Variants in UBN1 observed in about 807,000 individuals in gnomAD.
UBN1 encodes the protein ubinuclein-1.
In UBN1, 17 loss-of-function variants were observed where a neutral mutation model predicts 108.5. The observed-to-expected ratio is 0.16, with a 90% confidence interval of 0.11 to 0.24. UBN1 has a LOEUF of 0.24. Among genes scored for constraint, UBN1 ranks in the 10% least tolerant of loss-of-function variants. UBN1 has a pLI of 1.00. For synonymous variants in UBN1, 726 were observed against 564.2 expected (o/e 1.29, Z -4.07); for missense variants, 1,595 against 1,394.4 (o/e 1.14, Z -2.29).
intron 17 of UBN1, among the ~76,000 whole-genome samples, chr16:4,879,549 C>G (rs1310381012): frequency 6.6e-6 from 1 of 152,236 alleles, no homozygotes; most frequent in Non-Finnish European, 1.5e-5. Context: ...GAGCTTCTCT[C>G]ACTTCCTTAG....
rs148857688 is a variant in UBN1, at chr16:4,873,173, T to G, written c.1800+100T>G. 1.3e-5 allele frequency: 20 copies of G among 1,525,362 alleles called. No homozygotes were observed. The African/African-American group carries it at 1.8e-4, about 14-fold the overall frequency. 94.5% of individuals were successfully genotyped at this position (1,525,362 alleles called of 1,614,324 possible). Reference sequence around the variant, plus strand: ...ACTGTGGAAGCTCATTGATCTTTGCTCGTCTGGGGACAGCTGCTCAGGATG... The same window carrying G: ...ACTGTGGAAGCTCATTGATCTTTGCGCGTCTGGGGACAGCTGCTCAGGATG... On this transcript the variant is annotated intron_variant, in intron 14 of 17. Coordinates refer to ENST00000262376, the MANE Select transcript of UBN1 (RefSeq NM_001079514.3).
intron 14 of UBN1, among the ~76,000 whole-genome samples, chr16:4,873,450 C>G (rs962138267): frequency 6.6e-6 from 1 of 152,200 alleles, no homozygotes; most frequent in African/African-American, 2.4e-5. Context: ...GAAAAGGCGA[C>G]TTTACTGAGC....
chr16:4,847,566 C>T lies in UBN1; in HGVS notation c.-684C>T, dbSNP rs955484082. On this transcript the variant is annotated 5_prime_UTR_variant, in exon 1 of 18. Coordinates refer to ENST00000262376, the MANE Select transcript of UBN1 (RefSeq NM_001079514.3). ...GGCGGCGACGGTGCGACCGGCTGAG[C>T]GCGAGAGGGAGCCGGCCTCGCGGCT... The T allele has an allele frequency of 2.2e-5, 9 of 410,332 alleles. No individual in the cohort carries two copies. The Admixed American group carries it at 2.5e-4, about 11-fold the overall frequency. The allele number at this position is 410,332 out of a possible 1,614,324, so 25.4% of individuals were successfully genotyped here. A position where few individuals can be genotyped will look rare whatever the true frequency, so the allele number is the denominator to read the frequency against.
rs769211911 is a variant in UBN1 at position 4,858,563 on chromosome 16, T to C, written c.337-5T>C. On this transcript the variant is annotated splice_region_variant and splice_polypyrimidine_tract_variant and intron_variant, in intron 3 of 17. Transcript: ENST00000262376. Reference sequence around the variant, plus strand: ...AGCATGTAATCTATTGCTTTCACATTTTAGGGTGGAAAGAAACGTAGAAAA... The same window carrying C: ...AGCATGTAATCTATTGCTTTCACATCTTAGGGTGGAAAGAAACGTAGAAAA... 3.7e-6 allele frequency: 6 copies of C among 1,613,754 alleles called. No homozygotes were observed. Among genetic ancestry groups the C allele is most frequent in the Admixed American group, 1.7e-5 (1 of 60,026 alleles).
Position 4,870,252 on chromosome 16 carries a change from T to C in UBN1, c.1222T>C (p.Ser408Pro). 6.2e-7 allele frequency: 1 copy of C among 1,614,232 alleles called. No homozygotes were observed. The highest frequency in any genetic ancestry group is 8.5e-7 in the Non-Finnish European group (1 of 1,180,038). The change falls in exon 9 of 18, where the codon TCT (serine) becomes CCT (proline). Residue 408 changes from serine to proline, a missense_variant. Physicochemically the swap from Ser to Pro is moderately conservative, Grantham distance 74. This residue lies in a region of UBN1 where 1,398 missense variants were observed against 1,194.7 expected (regional missense o/e 1.17). Coordinates refer to ENST00000262376, the MANE Select transcript of UBN1 (RefSeq NM_001079514.3). ...TCGGGAGCTGAGCAGTCAGGTCCGCTCTGGGGTGTATGCCTATCTTGCGTC... is the reference window on the plus strand; with the variant it reads ...TCGGGAGCTGAGCAGTCAGGTCCGCCCTGGGGTGTATGCCTATCTTGCGTC... ...QTRELSSQVR[S>P]GVYAYLASFL...
chr16:4,852,744 A>C, intron 1 of UBN1, 135 bp from the exon 2 acceptor site: 1 of 1,007,430 alleles, frequency 9.9e-7, no homozygotes, highest in Admixed American at 3.2e-5. Flanking sequence ...AAGCAGAAAA[A>C]AACAATAAAT....
rs1447127601 is a variant in UBN1, at chr16:4,868,864, A to G, written c.1142A>G (p.Gln381Arg). The change falls in exon 8 of 18, where the codon CAG (glutamine) becomes CGG (arginine). Residue 381 changes from glutamine (Q) to arginine (R), a missense_variant. Physicochemically the swap from Gln to Arg is conservative, Grantham distance 43. Transcript: ENST00000262376. ...AARAAEGESR[Q>R]KFFTQDINGI... ...AGAGCTGCTGAGGGGGAGAGCAGAC[A>G]GAAGTTCTTCACCCAGGATATTAAT... 1 of 1,613,994 alleles carries G rather than the reference A, an allele frequency of 6.2e-7. No homozygotes were observed. Among genetic ancestry groups the G allele is most frequent in the Non-Finnish European group, 8.5e-7 (1 of 1,179,890 alleles).
chr16:4,862,756 A>G (rs1326395981), intron 7 of UBN1, among the ~76,000 whole-genome samples: 1 of 152,252 alleles, frequency 6.6e-6, no homozygotes, highest in Non-Finnish European at 1.5e-5. Flanking sequence ...GGACAGATTT[A>G]GTGGCAACAG....
At chr16:4,856,549 T>A (rs757291456) in intron 2 of UBN1, among the ~76,000 whole-genome samples, 3 of 152,216 alleles carry the variant, frequency 2.0e-5, no homozygotes, top group African/African-American at 7.2e-5. Context: ...AATTACAATA[T>A]GGTCATTGTT....
chr16:4,865,390 A>C (rs1297756806), intron 7 of UBN1, among the ~76,000 whole-genome samples: 2 of 152,192 alleles, frequency 1.3e-5, no homozygotes, highest in African/African-American at 4.8e-5. Flanking sequence ...CTATCTAAAC[A>C]GAAAATTTGG....
intron 12 of UBN1, chr16:4,872,364 C>T: frequency 3.0e-6 from 3 of 984,612 alleles, no homozygotes; most frequent in Non-Finnish European, 3.6e-6. Context: ...TGGTAAAGGC[C>T]AGACTCAGCC....
intron 7 of UBN1, among the ~76,000 whole-genome samples, chr16:4,865,753 A>G (rs905938860): frequency 2.0e-5 from 3 of 152,010 alleles, no homozygotes; most frequent in African/African-American, 7.2e-5. Flanking sequence ...TTGGGGTCAG[A>G]TGTTTGAGAC....
At chr16:4,853,285 C>T (rs187434764) in intron 2 of UBN1, 119 bp downstream of exon 2, 1 of 1,360,006 alleles carries the variant, frequency 7.4e-7, no homozygotes, top group Non-Finnish European at 9.9e-7. Context: ...CCCCAAGATC[C>T]TGTCACTCAC....
In UBN1 at chr16:4,877,476, TAATC is replaced by T; in HGVS notation, c.3355+4_3355+7del. ...CCCATATCCCGCAGAGTCTGCCAGGTAATCACCCGACGGTCAGTGTGCCACGCGC... is the reference window on the plus strand; with the variant it reads ...CCCATATCCCGCAGAGTCTGCCAGGTACCCGACGGTCAGTGTGCCACGCGC... On this transcript the variant is annotated splice_donor_5th_base_variant and intron_variant, in intron 17 of 17. Coordinates refer to ENST00000262376, the MANE Select transcript of UBN1 (RefSeq NM_001079514.3). This position sits in a 1 kb window ranked among gnomAD's most constrained non-coding sequence, Gnocchi z 4.3. 6.2e-7 allele frequency: 1 copy of T among 1,608,928 alleles called. No individual in the cohort carries two copies. The highest frequency in any genetic ancestry group is 8.5e-7 in the Non-Finnish European group (1 of 1,178,678).
Position 4,877,489 on chromosome 16 carries a change from G to A in UBN1, c.3355+15G>A. On this transcript the variant is annotated intron_variant, in intron 17 of 17. Coordinates refer to ENST00000262376, the MANE Select transcript of UBN1 (RefSeq NM_001079514.3). This position sits in a 1 kb window ranked among gnomAD's most constrained non-coding sequence, Gnocchi z 4.3. ...GAGTCTGCCAGGTAATCACCCGACG[G>A]TCAGTGTGCCACGCGCACCGTGTGC... 6.2e-7 allele frequency: 1 copy of A among 1,605,778 alleles called. No homozygotes were observed. Among genetic ancestry groups the A allele is most frequent in the Non-Finnish European group, 8.5e-7 (1 of 1,177,642 alleles).
At chr16:4,854,910 G>C (rs1267780211) in intron 2 of UBN1, among the ~76,000 whole-genome samples, 1 of 151,898 alleles carries the variant, frequency 6.6e-6, no homozygotes, top group African/African-American at 2.4e-5. Context: ...TTTTAGTAGA[G>C]ACAGGGTTCC....
Position 4,874,439 on chromosome 16 carries a change from T to C in UBN1, c.2029T>C (p.Ser677Pro). The C allele has an allele frequency of 6.2e-7, 1 of 1,614,156 alleles. No individual in the cohort carries two copies. Among genetic ancestry groups the C allele is most frequent in the Non-Finnish European group, 8.5e-7 (1 of 1,180,006 alleles). Residue 677 changes from serine (S) to proline (P), a missense_variant, in exon 15 of 18, where the codon TCC (serine) becomes CCC (proline). By Grantham distance (74) the Ser-to-Pro change is moderately conservative. Coordinates refer to ENST00000262376, the MANE Select transcript of UBN1 (RefSeq NM_001079514.3). ...RNPASSVEAV[S>P]KELAALNSRA... ...TCCAGCCTCCTCGGTGGAAGCCGTG[T>C]CCAAGGAATTGGCTGCATTGAATAG...
At chr16:4,875,807 T>C (rs1334743490) in intron 15 of UBN1, among the ~76,000 whole-genome samples, 2 of 152,126 alleles carry the variant, frequency 1.3e-5, no homozygotes, top group Admixed American at 1.3e-4. Context: ...ATCAGTTGAG[T>C]CATGTGGAGG....
At position 4,870,203 on chromosome 16, in the gene UBN1, G is replaced by C. The variant is rs201411135; in HGVS notation, c.1182-9G>C. 103 of 1,614,142 alleles carry C rather than the reference G, an allele frequency of 6.4e-5. 1 individual carries two copies. In the Middle Eastern group the frequency reaches 1.5e-3, roughly 23 times the overall value. On this transcript the variant is annotated splice_polypyrimidine_tract_variant and intron_variant, in intron 8 of 17. Transcript: ENST00000262376. ...CTGCAGCCGGTGGTGACTGTGTTTT[G>C]TTCTTCAGCATAGAGGCGCAGACTC...
Sources: allele counts gnomAD v4.1 joint callset (sites outside exome capture counted in the v4.1 genomes callset), GRCh38; gene constraint gnomAD v4.1.1; regional missense constraint gnomAD v4.1.1; non-coding constraint Gnocchi (gnomAD v3.1); transcripts MANE v1.5; gene names NCBI Gene and HGNC (gene_info 2026-07-23, HGNC 2026-07-21).